Variants in ARHGAP26 observed in about 807,000 individuals in gnomAD.
ARHGAP26 encodes Rho GTPase activating protein 26.
Under a neutral mutation model 104.8 loss-of-function variants are expected in ARHGAP26, and 38 were observed. The ratio of observed to expected loss-of-function variants is 0.36; its 90% CI spans 0.28 to 0.48. The LOEUF (loss-of-function observed/expected upper bound fraction) is 0.48. Ranked by LOEUF, ARHGAP26 falls within the 20% of genes least tolerant of loss-of-function variation. The pLI, the probability that ARHGAP26 is intolerant of heterozygous loss-of-function variation, is 0.99. For synonymous variants in ARHGAP26, 341 were observed against 340.0 expected (o/e 1.00, Z -0.03); for missense variants, 704 against 947.9 (o/e 0.74, Z 3.38).
At chr5:143,084,114 T>C (rs559402759) in intron 17 of ARHGAP26, among the ~76,000 whole-genome samples, 2 of 152,326 alleles carry the variant, frequency 1.3e-5, no homozygotes, top group East Asian at 3.9e-4. Flanking sequence ...TGAGTGGGAA[T>C]TTAACAACCT....
chr5:143,076,297 C>T (rs1789014317), intron 17 of ARHGAP26, among the ~76,000 whole-genome samples: 1 of 151,732 alleles, frequency 6.6e-6, no homozygotes. Flanking sequence ...CATGCTCAAG[C>T]TTTTCTGTCA....
chr5:142,898,525 C>T (rs1216469752), intron 6 of ARHGAP26, among the ~76,000 whole-genome samples: 1 of 152,188 alleles, frequency 6.6e-6, no homozygotes, highest in Non-Finnish European at 1.5e-5. Flanking sequence ...TGCAGGCCTT[C>T]ATTCTTTTCT....
rs1044714000 is a variant in ARHGAP26 at position 143,228,601 on chromosome 5, G to A, written c.*6155G>A. 4 of 214,512 alleles carry A rather than the reference G, an allele frequency of 1.9e-5. No individual in the cohort carries two copies. Among genetic ancestry groups the A allele is most frequent in the African/African-American group, 9.0e-5 (4 of 44,286 alleles). The allele number at this position is 214,512 out of a possible 1,614,324, so 13.3% of individuals were successfully genotyped here. A position where few individuals can be genotyped will look rare whatever the true frequency, so the allele number is the denominator to read the frequency against. ...CCACATTTTGGAAAAGAAAATATTT[G>A]CATGTTTAATTCATAATTTAGGCTA... is the stretch of plus-strand genomic sequence containing the variant. On this transcript the variant is annotated 3_prime_UTR_variant, in exon 23 of 23. Coordinates refer to ENST00000645722, the MANE Select transcript of ARHGAP26 (RefSeq NM_001135608.3).
At chr5:142,991,090 T>G (rs1170839107) in intron 11 of ARHGAP26, among the ~76,000 whole-genome samples, 1 of 152,198 alleles carries the variant, frequency 6.6e-6, no homozygotes, top group Non-Finnish European at 1.5e-5. Flanking sequence ...GCAGGCATCC[T>G]TGTGCTGCGG....
intron 6 of ARHGAP26, among the ~76,000 whole-genome samples, chr5:142,899,130 G>A (rs1328974127): frequency 6.6e-6 from 1 of 152,162 alleles, no homozygotes; most frequent in African/African-American, 2.4e-5. Flanking sequence ...ACCTTTCTAA[G>A]GACACCAGCT....
intron 21 of ARHGAP26, among the ~76,000 whole-genome samples, chr5:143,210,986 G>C (rs1809374227): frequency 6.6e-6 from 1 of 152,200 alleles, no homozygotes; most frequent in African/African-American, 2.4e-5. Context: ...AACCAATGAT[G>C]CCTGGTGGAG....
rs944217129 is a variant in ARHGAP26 at position 143,224,943 on chromosome 5, G to A, written c.*2497G>A. On this transcript the variant is annotated 3_prime_UTR_variant, in exon 23 of 23. Coordinates refer to ENST00000645722, the MANE Select transcript of ARHGAP26 (RefSeq NM_001135608.3). ...TCCGGGAACTCACCCAGGAGCAAGC[G>A]AGACACTACCATTGAATCAGGGAAT... 16 of 223,398 alleles carry A rather than the reference G, an allele frequency of 7.2e-5. No individual in the cohort carries two copies. The highest frequency in any genetic ancestry group is 8.9e-5 in the African/African-American group (4 of 44,784). 13.8% of individuals were successfully genotyped at this position (223,398 alleles called of 1,614,324 possible).
chr5:142,932,202 T>C, intron 11 of ARHGAP26, 77 bp downstream of exon 11: 1 of 1,365,788 alleles, frequency 7.3e-7, no homozygotes, highest in East Asian at 2.3e-5. Flanking sequence ...CAGTGATTTT[T>C]GCTGCTGTTC....
intron 19 of ARHGAP26, among the ~76,000 whole-genome samples, chr5:143,142,134 C>CTTTTTTTTTTTTT (rs762332039): frequency 1.9e-5 from 2 of 105,348 alleles, no homozygotes; most frequent in South Asian, 3.6e-4. Context: ...CTACTTTTCA[C>CTTTTTTTTTTTTT]TTTTTTTTTT....
chr5:143,166,040 G>T (rs567918865), intron 20 of ARHGAP26: 3 of 1,322,416 alleles, frequency 2.3e-6, no homozygotes, highest in South Asian at 2.5e-5. Flanking sequence ...CTGGGGATTT[G>T]GAATGTGTTT....
chr5:142,952,179 A>G (rs1295777026), intron 11 of ARHGAP26, among the ~76,000 whole-genome samples: 8 of 152,144 alleles, frequency 5.3e-5, no homozygotes, highest in Non-Finnish European at 5.9e-5. Flanking sequence ...TTTCCAAATA[A>G]GGTCACATTC....
intron 11 of ARHGAP26, among the ~76,000 whole-genome samples, chr5:142,971,145 A>G (rs755294692): frequency 1.3e-5 from 2 of 152,136 alleles, no homozygotes; most frequent in Non-Finnish European, 2.9e-5. Context: ...TGGTGGGTCT[A>G]TGTATTTGGT....
At chr5:143,198,753 A>ACT (rs1807245859) in intron 20 of ARHGAP26, among the ~76,000 whole-genome samples, 1 of 152,170 alleles carries the variant, frequency 6.6e-6, no homozygotes. Flanking sequence ...TACCATTCCT[A>ACT]CTCACCCCAT....
intron 17 of ARHGAP26, among the ~76,000 whole-genome samples, chr5:143,064,528 A>G (rs1367738154): frequency 2.6e-5 from 4 of 151,950 alleles, no homozygotes; most frequent in Admixed American, 1.3e-4. Flanking sequence ...ATTTTTTTTA[A>G]GACTAAGAAT....
intron 10 of ARHGAP26, among the ~76,000 whole-genome samples, chr5:142,917,759 C>G (rs1261887389): frequency 6.6e-6 from 1 of 152,096 alleles, no homozygotes; most frequent in African/African-American, 2.4e-5. Flanking sequence ...AGTTGAACTC[C>G]TGGGCTCAAG....
chr5:142,949,583 A>T (rs1344890890), intron 11 of ARHGAP26, among the ~76,000 whole-genome samples: 2 of 152,132 alleles, frequency 1.3e-5, no homozygotes, highest in Non-Finnish European at 2.9e-5. Flanking sequence ...ACTTTTCAGT[A>T]CAATGTTCTA....
intron 1 of ARHGAP26, among the ~76,000 whole-genome samples, chr5:142,804,782 A>G (rs937467688): frequency 3.3e-5 from 5 of 151,874 alleles, no homozygotes; most frequent in African/African-American, 9.7e-5. Context: ...ATGAGCCACC[A>G]TGCCCGGGCT....
intron 10 of ARHGAP26, chr5:142,921,803 G>C (rs1763227624): frequency 6.6e-6 from 1 of 152,422 alleles, no homozygotes; most frequent in South Asian, 2.1e-4. Flanking sequence ...GATTTTTTCT[G>C]AAGGTGGAAC....
intron 17 of ARHGAP26, among the ~76,000 whole-genome samples, chr5:143,102,796 G>A (rs1464603925): frequency 6.6e-6 from 1 of 152,018 alleles, no homozygotes; most frequent in Admixed American, 6.5e-5. Context: ...CCTTATCATT[G>A]TGCTTTGTAC....
Sources: gnomAD v4.1 joint callset for allele counts (sites outside exome capture counted in the v4.1 genomes callset) on GRCh38, gnomAD v4.1.1 for gene constraint, MANE v1.5 for transcripts, NCBI Gene and HGNC (gene_info 2026-07-23, HGNC 2026-07-21) for gene names.